TPX2: variants seen among roughly 807,000 people sequenced by gnomAD.
The protein encoded by TPX2 is TPX2 microtubule nucleation factor, also known as targeting protein for Xklp2.
TPX2 carries 21 observed loss-of-function variants against 93.6 expected under a neutral mutation model. That is an observed-to-expected ratio of 0.22 (90% CI 0.16 to 0.32). The LOEUF is 0.32. TPX2 is among the 10% of genes least tolerant of loss of function. TPX2 has a pLI of 1.00. For missense variants in TPX2, 776 were observed against 871.1 expected (o/e 0.89, Z 1.37); for synonymous variants, 281 against 298.3 (o/e 0.94, Z 0.60).
chr20:31,770,076 A>C (rs1302700476), intron 5 of TPX2, among the ~76,000 whole-genome samples: 1 of 152,202 alleles, frequency 6.6e-6, no homozygotes, highest in African/African-American at 2.4e-5. Flanking sequence ...CTAGGATGGC[A>C]AGCATGAGCT....
At chr20:31,748,384 T>C (rs564728810) in intron 2 of TPX2, among the ~76,000 whole-genome samples, 1 of 152,208 alleles carries the variant, frequency 6.6e-6, no homozygotes, top group African/African-American at 2.4e-5. Flanking sequence ...CACCATCTTA[T>C]ATAGAGGAAA....
At chr20:31,799,438 A>G (rs939612509) in intron 17 of TPX2, among the ~76,000 whole-genome samples, 2 of 152,184 alleles carry the variant, frequency 1.3e-5, no homozygotes, top group African/African-American at 4.8e-5. Flanking sequence ...AGTGGATGTT[A>G]TGTGCTCACA....
intron 16 of TPX2, 96 bp downstream of exon 16, chr20:31,797,611 C>A: frequency 8.9e-7 from 1 of 1,127,144 alleles, no homozygotes; most frequent in Non-Finnish European, 1.3e-6. Flanking sequence ...GCTGTGTCAA[C>A]TAGAAGCATT....
chr20:31,798,337 C>T, intron 16 of TPX2, 28 bp from the exon 17 acceptor site: 1 of 1,613,646 alleles, frequency 6.2e-7, no homozygotes, highest in Non-Finnish European at 8.5e-7. Context: ...TGCTTGTGCA[C>T]CAATATTTTT....
At chr20:31,776,527 CTTTT>C (rs1186077492) in intron 8 of TPX2, among the ~76,000 whole-genome samples, 1 of 145,320 alleles carries the variant, frequency 6.9e-6, no homozygotes, top group African/African-American at 2.5e-5. Context: ...TACTTTCTTT[CTTTT>C]TTTTTTTTTC....
At chr20:31,796,445 G>T (rs1300884393) in intron 15 of TPX2, among the ~76,000 whole-genome samples, 1 of 152,176 alleles carries the variant, frequency 6.6e-6, no homozygotes, top group Non-Finnish European at 1.5e-5. Context: ...TTTTTAAACA[G>T]TTGAATTGTT....
intron 5 of TPX2, 41 bp from the exon 6 acceptor site, chr20:31,770,302 A>T (rs763940220): frequency 7.3e-7 from 1 of 1,367,912 alleles, no homozygotes; most frequent in Non-Finnish European, 9.7e-7. Context: ...TATCTGTAGT[A>T]TATATATTTA....
chr20:31,741,549 G>A (rs1056445254), intron 1 of TPX2, among the ~76,000 whole-genome samples: 1 of 151,646 alleles, frequency 6.6e-6, no homozygotes, highest in Non-Finnish European at 1.5e-5. Context: ...TGCGCTCTCG[G>A]CTCACTGCAA....
chr20:31,778,104 G>C (rs768796151), intron 9 of TPX2, among the ~76,000 whole-genome samples: 12 of 152,134 alleles, frequency 7.9e-5, no homozygotes, highest in Non-Finnish European at 1.6e-4. Flanking sequence ...GAAAAATAGG[G>C]TTGGGGCAGA....
intron 2 of TPX2, among the ~76,000 whole-genome samples, chr20:31,750,754 A>ACG (rs1203045029): frequency 6.6e-6 from 1 of 152,200 alleles, no homozygotes; most frequent in Admixed American, 6.6e-5. Flanking sequence ...TTTATAGGCC[A>ACG]CGTAAATGGG....
chr20:31,742,013 T>C (rs1388395983), intron 1 of TPX2, among the ~76,000 whole-genome samples: 2 of 152,132 alleles, frequency 1.3e-5, no homozygotes, highest in African/African-American at 2.4e-5. Context: ...GAAAAAAGGA[T>C]AGATAACTGC....
chr20:31,801,265 A>G lies in TPX2; in HGVS notation c.*185A>G, dbSNP rs2062170381. The G allele has an allele frequency of 1.8e-6, 1 of 566,458 alleles. No individual in the cohort carries two copies. The highest frequency in any genetic ancestry group is 2.1e-5 in the South Asian group (1 of 46,650). The allele number at this position is 566,458 out of a possible 1,614,324, so 35.1% of individuals were successfully genotyped here. A position where few individuals can be genotyped will look rare whatever the true frequency, so the allele number is the denominator to read the frequency against. ...GTTTTGTTGAGAATTGTTTTCTTAC[A>G]TTACTAAGGCTAATAATGAGATGTA... On this transcript the variant is annotated 3_prime_UTR_variant, in exon 18 of 18. Transcript: ENST00000300403.
chr20:31,742,964 C>T (rs1210763365), intron 2 of TPX2, among the ~76,000 whole-genome samples: 1 of 152,156 alleles, frequency 6.6e-6, no homozygotes, highest in East Asian at 1.9e-4. Flanking sequence ...TCTGTAATCC[C>T]AGCACTTTGG....
chr20:31,740,418 G>A (rs1345168705), intron 1 of TPX2, among the ~76,000 whole-genome samples: 1 of 152,108 alleles, frequency 6.6e-6, no homozygotes, highest in Non-Finnish European at 1.5e-5. Context: ...TTGTATTGTG[G>A]CCTTAGTGTA....
At chr20:31,787,908 G>A (rs1246709429) in intron 12 of TPX2, among the ~76,000 whole-genome samples, 2 of 152,150 alleles carry the variant, frequency 1.3e-5, no homozygotes, top group Non-Finnish European at 2.9e-5. Context: ...CTGTTTTAGG[G>A]TGAAGAACTT....
chr20:31,780,221 T>C (rs546834632), intron 10 of TPX2, among the ~76,000 whole-genome samples: 15 of 152,166 alleles, frequency 9.9e-5, no homozygotes, highest in Non-Finnish European at 1.6e-4. Flanking sequence ...CCAGCTACTT[T>C]TTGGATTTTA....
rs367817726 is a variant in TPX2, at chr20:31,782,376, C to T, written c.1182C>T (p.Leu394=). 3.5e-5 allele frequency: 56 copies of T among 1,609,832 alleles called. No individual in the cohort carries two copies. The highest frequency in any genetic ancestry group is 1.7e-4 in the Middle Eastern group (1 of 6,056). The change falls in exon 11 of 18, where the codon CTC becomes CTT. Residue 394 remains leucine, a synonymous_variant. Transcript: ENST00000300403. ...CAGCAGAGCTGGAGGCTGAGGAGCT[C>T]GAGAAATTGCAACAGTAAGTCCCAC... The part of the protein sequence containing the change: ...KSTAELEAEE[L]EKLQQYKFKA...
chr20:31,754,194 A>G (rs2061837774), intron 2 of TPX2, among the ~76,000 whole-genome samples: 1 of 151,966 alleles, frequency 6.6e-6, no homozygotes, highest in African/African-American at 2.4e-5. Flanking sequence ...CCCGGGTTGA[A>G]GTGATTCTCA....
chr20:31,755,331 GC>G (rs1452239877), intron 2 of TPX2, among the ~76,000 whole-genome samples: 1 of 150,924 alleles, frequency 6.6e-6, no homozygotes, highest in Non-Finnish European at 1.5e-5. Context: ...TGATCCATCC[GC>G]CCTGGCCTCT....
Sources: gnomAD v4.1 joint callset for allele counts (sites outside exome capture counted in the v4.1 genomes callset) on GRCh38, gnomAD v4.1.1 for gene constraint, MANE v1.5 for transcripts, NCBI Gene and HGNC (gene_info 2026-07-23, HGNC 2026-07-21) for gene names.